Variants in ROBO2 observed in about 807,000 individuals in gnomAD.
The protein encoded by ROBO2 is roundabout guidance receptor 2, also known as roundabout homolog 2.
Under a neutral mutation model 160.8 loss-of-function variants are expected in ROBO2, and 53 were observed. That is an observed-to-expected ratio of 0.33 (90% CI 0.26 to 0.41). The LOEUF is 0.41. ROBO2 is among the 10% of genes least tolerant of loss of function. The pLI, the probability that ROBO2 is intolerant of heterozygous loss-of-function variation, is 1.00. For synonymous variants in ROBO2, 664 were observed against 611.7 expected, an observed-to-expected ratio of 1.09 and a Z score of -1.26; for missense variants, 1,577 against 1,722.4, an observed-to-expected ratio of 0.92 and a Z score of 1.49.
intron 2 of ROBO2, among the ~76,000 whole-genome samples, chr3:76,525,651 T>C (rs963869112): frequency 2.6e-5 from 4 of 152,014 alleles, no homozygotes; most frequent in Non-Finnish European, 5.9e-5. Flanking sequence ...AAAGAGGTGC[T>C]TAATTTCTCT....
intron 2 of ROBO2, among the ~76,000 whole-genome samples, chr3:76,079,235 C>T (rs1294199808): frequency 1.3e-5 from 2 of 152,024 alleles, no homozygotes; most frequent in Non-Finnish European, 2.9e-5. Flanking sequence ...TTCATTATCA[C>T]AATAAGGTAA....
intron 2 of ROBO2, among the ~76,000 whole-genome samples, chr3:77,381,772 C>A (rs1477180604): frequency 6.6e-6 from 1 of 152,176 alleles, no homozygotes; most frequent in African/African-American, 2.4e-5. Flanking sequence ...CATATGTGAG[C>A]ACTTGGTTGA....
chr3:77,602,283 C>G (rs1353415645), exon 20 of ROBO2: 1 of 1,613,976 alleles, frequency 6.2e-7, no homozygotes, highest in Non-Finnish European at 8.5e-7. Context: ...TTTATAGTAG[C>G]ATTGACTTCA....
chr3:77,092,155 G>GAAAA (rs893294993), intron 1 of ROBO2: 2 of 149,040 alleles, frequency 1.3e-5, no homozygotes, highest in Non-Finnish European at 3.0e-5. Flanking sequence ...TGAAGAATTA[G>GAAAA]AAAAAAAAAA....
chr3:77,311,111 T>A (rs935189113), intron 2 of ROBO2, among the ~76,000 whole-genome samples: 2 of 152,192 alleles, frequency 1.3e-5, no homozygotes, highest in Admixed American at 6.5e-5. Flanking sequence ...GAAAAATCAA[T>A]TTTGGTAATA....
At chr3:76,223,749 C>G (rs151268826) in intron 2 of ROBO2, among the ~76,000 whole-genome samples, 1 of 152,294 alleles carries the variant, frequency 6.6e-6, no homozygotes, top group African/African-American at 2.4e-5. Flanking sequence ...CTTAGAAGCT[C>G]TTAGGTCATT....
chr3:76,632,849 C>T (rs1168848346), intron 2 of ROBO2, among the ~76,000 whole-genome samples: 1 of 152,136 alleles, frequency 6.6e-6, no homozygotes. Flanking sequence ...ATATATTATG[C>T]TAAATTGCTG....
intron 2 of ROBO2, among the ~76,000 whole-genome samples, chr3:76,555,389 A>G (rs1349038127): frequency 1.4e-5 from 1 of 71,332 alleles, no homozygotes; most frequent in African/African-American, 2.9e-5. Context: ...AAGAAGAAGA[A>G]GAAGAAGAAG....
At chr3:76,472,880 A>C (rs973424585) in intron 2 of ROBO2, among the ~76,000 whole-genome samples, 28 of 152,216 alleles carry the variant, frequency 1.8e-4, no homozygotes, top group African/African-American at 6.3e-4. Context: ...ACAGCATGTC[A>C]GTCTCATGAA....
chr3:76,345,461 A>G lies in ROBO2; in HGVS notation c.109+407859A>G, dbSNP rs555715910. ...TCTTTCTTTTTTTTTTTTTTTTTTA[A>G]GCACAGGGGAAATATTTTCAACAAG... On this transcript the variant is annotated intron_variant, in intron 2 of 26. Coordinates refer to the ROBO2 transcript ENST00000487694. Among the ~76,000 whole-genome samples, 47 of 136,098 alleles carry G rather than the reference A, an allele frequency of 3.5e-4. 1 individual carries two copies. In the East Asian group the frequency reaches 9.3e-3, roughly 27 times the overall value. 89.3% of individuals were successfully genotyped at this position (136,098 alleles called of 152,430 possible).
chr3:76,942,724 A>G (rs1186975228), intron 2 of ROBO2, among the ~76,000 whole-genome samples: 1 of 152,068 alleles, frequency 6.6e-6, no homozygotes, highest in East Asian at 1.9e-4. Context: ...TCCAACTACT[A>G]TTGCCTCTTT....
At chr3:76,540,879 A>C (rs1336241516) in intron 2 of ROBO2, among the ~76,000 whole-genome samples, 1 of 152,152 alleles carries the variant, frequency 6.6e-6, no homozygotes, top group African/African-American at 2.4e-5. Context: ...AGCTCACCAC[A>C]ATCTCTGTCT....
At chr3:77,567,935 A>G (rs531992873) in intron 12 of ROBO2, among the ~76,000 whole-genome samples, 306 of 152,132 alleles carry the variant, frequency 2.0e-3, no homozygotes, top group Non-Finnish European at 3.5e-3. Context: ...ATCATTCAAT[A>G]CACCAACATC....
chr3:76,554,265 A>ATT (rs1210877541), intron 2 of ROBO2, among the ~76,000 whole-genome samples: 34 of 152,336 alleles, frequency 2.2e-4, no homozygotes, highest in Non-Finnish European at 3.7e-4. Flanking sequence ...TCTTAAGAAA[A>ATT]ATAAATTATA....
At chr3:77,213,477 T>G (rs1389490479) in intron 2 of ROBO2, among the ~76,000 whole-genome samples, 1 of 152,166 alleles carries the variant, frequency 6.6e-6, no homozygotes, top group Non-Finnish European at 1.5e-5. Context: ...CTTTTCTTTT[T>G]TATTAGTCCT....
rs77927961 is a variant in ROBO2 at position 76,124,605 on chromosome 3, A to G, written c.109+187003A>G. Reference sequence around the variant, plus strand: ...TTTTTTTCATTTCTGTGAGCCCTTTAATAAGTAGTATTAATGTTCATAAGT... The same window carrying G: ...TTTTTTTCATTTCTGTGAGCCCTTTGATAAGTAGTATTAATGTTCATAAGT... On this transcript the variant is annotated intron_variant, in intron 2 of 26. Transcript: ENST00000487694. 7.0e-3 allele frequency among the ~76,000 whole-genome samples: 1,063 copies of G among 152,206 alleles called. 12 individuals carry two copies. Among genetic ancestry groups the G allele is most frequent in the African/African-American group, 0.025 (1,024 of 41,544 alleles).
chr3:77,157,145 A>T (rs1462548065), intron 2 of ROBO2, among the ~76,000 whole-genome samples: 1 of 152,052 alleles, frequency 6.6e-6, no homozygotes, highest in Non-Finnish European at 1.5e-5. Flanking sequence ...ACCACTGATT[A>T]TATGTCTATA....
intron 2 of ROBO2, among the ~76,000 whole-genome samples, chr3:76,753,860 T>C (rs1228288845): frequency 6.6e-6 from 1 of 151,920 alleles, no homozygotes; most frequent in Non-Finnish European, 1.5e-5. Flanking sequence ...TCAATATAAC[T>C]GAAACAAATT....
intron 2 of ROBO2, among the ~76,000 whole-genome samples, chr3:77,273,987 T>C (rs374728244): frequency 1.5e-5 from 2 of 130,424 alleles, no homozygotes; most frequent in African/African-American, 4.9e-5. Context: ...TACTTTTTCC[T>C]GTTTTTTTTT....
Sources: gnomAD v4.1 joint callset for allele counts (sites outside exome capture counted in the v4.1 genomes callset) on GRCh38, gnomAD v4.1.1 for gene constraint, MANE v1.5 for transcripts, NCBI Gene and HGNC (gene_info 2026-07-23, HGNC 2026-07-21) for gene names.